SLC9C1: variants seen among roughly 807,000 people sequenced by gnomAD.
The protein encoded by SLC9C1 is solute carrier family 9 member C1.
In SLC9C1, 97 loss-of-function variants were observed where a neutral mutation model predicts 140.9. The ratio of observed to expected loss-of-function variants is 0.69; its 90% CI spans 0.58 to 0.82. The LOEUF (loss-of-function observed/expected upper bound fraction) is 0.82, where lower values mean the gene tolerates loss of function less well. Ranked by LOEUF, SLC9C1 falls within the 40% of genes least tolerant of loss-of-function variation. The pLI is 0.00. For missense variants in SLC9C1, 1,340 were observed against 1,389.3 expected, an observed-to-expected ratio of 0.96 and a Z score of 0.56; for synonymous variants, 440 against 442.6, an observed-to-expected ratio of 0.99 and a Z score of 0.07.
intron 28 of SLC9C1, among the ~76,000 whole-genome samples, chr3:112,148,558 A>C (rs2074869760): frequency 6.6e-6 from 1 of 152,184 alleles, no homozygotes; most frequent in Non-Finnish European, 1.5e-5. Context: ...TCTATGTCTT[A>C]ATAAAACTTT....
chr3:112,194,179 T>C (rs1399657060), intron 20 of SLC9C1, among the ~76,000 whole-genome samples: 6 of 152,112 alleles, frequency 3.9e-5, no homozygotes, highest in Non-Finnish European at 8.8e-5. Context: ...CAAATAATGT[T>C]CAGGTTTTGG....
intron 10 of SLC9C1, among the ~76,000 whole-genome samples, chr3:112,245,486 T>C (rs900688264): frequency 7.9e-5 from 12 of 152,066 alleles, no homozygotes; most frequent in Admixed American, 7.9e-4. Flanking sequence ...AAAAAAATAT[T>C]TTTTCTCTCA....
At chr3:112,260,426 G>A (rs534010216) in intron 10 of SLC9C1, among the ~76,000 whole-genome samples, 165 of 151,660 alleles carry the variant, frequency 1.1e-3, no homozygotes, top group African/African-American at 2.9e-3. Context: ...CCTTTGGGTC[G>A]TTTCTATTGA....
intron 15 of SLC9C1, among the ~76,000 whole-genome samples, chr3:112,213,305 G>A (rs1054539173): frequency 5.9e-5 from 9 of 152,088 alleles, no homozygotes; most frequent in African/African-American, 2.2e-4. Context: ...CAACTAATGG[G>A]CAAAATAACC....
chr3:112,180,587 T>G lies in SLC9C1; in HGVS notation c.2725A>C (p.Ile909Leu). The G allele has an allele frequency of 6.2e-7, 1 of 1,611,212 alleles. No individual in the cohort carries two copies. The highest frequency in any genetic ancestry group is 8.5e-7 in the Non-Finnish European group (1 of 1,179,154). ...ACCTTTACCATGCCTGAAATAATGA[T>G]ATAGATTCCTTTGGGCTCATCACCT... is the stretch of plus-strand genomic sequence containing the variant. ...EEGDEPKGIYIIISGMVKLEK... is the reference protein window; with the variant it reads ...EEGDEPKGIYLIISGMVKLEK... The change falls in exon 22 of 29, where the codon ATC (isoleucine) becomes CTC (leucine). Residue 909 changes from isoleucine to leucine, a missense_variant. Physicochemically the swap from Ile to Leu is conservative, Grantham distance 5 (BLOSUM62 2). Coordinates refer to ENST00000305815, the MANE Select transcript of SLC9C1 (RefSeq NM_183061.3).
intron 20 of SLC9C1, among the ~76,000 whole-genome samples, chr3:112,196,593 C>T (rs1337270030): frequency 6.6e-6 from 1 of 152,128 alleles, no homozygotes; most frequent in Admixed American, 6.5e-5. Flanking sequence ...GTTCCTCAGA[C>T]ATGTAATTTC....
chr3:112,147,474 G>A (rs114036944), intron 28 of SLC9C1: 75 of 401,486 alleles, frequency 1.9e-4, no homozygotes, highest in African/African-American at 1.5e-3. Flanking sequence ...TTGTAAGGAT[G>A]GTCTCATGGT....
chr3:112,146,313 TC>T (rs1407258886), intron 28 of SLC9C1, among the ~76,000 whole-genome samples: 1 of 152,190 alleles, frequency 6.6e-6, no homozygotes, highest in African/African-American at 2.4e-5. Flanking sequence ...TTAATTTTGT[TC>T]AGTTCTTTTC....
At chr3:112,265,167 GATCA>G (rs2079882692) in intron 8 of SLC9C1, among the ~76,000 whole-genome samples, 1 of 151,994 alleles carries the variant, frequency 6.6e-6, no homozygotes, top group East Asian at 1.9e-4. Flanking sequence ...GGTTCAGAGA[GATCA>G]CCTACTTCAA....
At chr3:112,159,221 TA>T (rs940258422) in intron 26 of SLC9C1, among the ~76,000 whole-genome samples, 7 of 151,762 alleles carry the variant, frequency 4.6e-5, no homozygotes, top group African/African-American at 1.2e-4. Flanking sequence ...TTCAATAAAT[TA>T]AAAAAAATGT....
intron 10 of SLC9C1, among the ~76,000 whole-genome samples, chr3:112,253,332 A>G (rs747188482): frequency 2.0e-5 from 3 of 152,148 alleles, no homozygotes; most frequent in Non-Finnish European, 4.4e-5. Flanking sequence ...CCAATTTGTG[A>G]TCTACAGCCA....
chr3:112,142,970 G>T (rs1178675775), intron 28 of SLC9C1, among the ~76,000 whole-genome samples: 1 of 152,116 alleles, frequency 6.6e-6, no homozygotes, highest in South Asian at 2.1e-4. Flanking sequence ...CCACTTACAG[G>T]TGAGAACATG....
Position 112,266,335 on chromosome 3 carries a change from A to G in SLC9C1, c.781T>C (p.Leu261=). ...ILYLIFYICE[L]VGMSGIFTLA... ...GTAAATATTCCTGACATTCCAACTA[A>G]CTCACCTATTTTTAAAAAGAAATAA... Residue 261 remains leucine (L), a synonymous_variant, in exon 8 of 29, where the codon TTA becomes CTA. Coordinates refer to ENST00000305815, the MANE Select transcript of SLC9C1 (RefSeq NM_183061.3). 1 of 1,597,776 alleles carries G rather than the reference A, an allele frequency of 6.3e-7. No homozygotes were observed. Among genetic ancestry groups the G allele is most frequent in the South Asian group, 1.2e-5 (1 of 86,406 alleles).
chr3:112,264,386 A>G (rs2079861891), intron 8 of SLC9C1, 43 bp from the exon 9 acceptor site: 2 of 1,153,328 alleles, frequency 1.7e-6, no homozygotes, highest in African/African-American at 3.2e-5. Flanking sequence ...TAATTAATTA[A>G]TTTGACATCT....
At chr3:112,240,893 T>C (rs2108218690) in intron 11 of SLC9C1, among the ~76,000 whole-genome samples, 1 of 152,220 alleles carries the variant, frequency 6.6e-6, no homozygotes, top group East Asian at 1.9e-4. Context: ...ACATCACATA[T>C]TCTCACTTAT....
chr3:112,141,416 G>T, intron 28 of SLC9C1, 135 bp from the exon 29 acceptor site: 2 of 774,416 alleles, frequency 2.6e-6, no homozygotes. Flanking sequence ...TTTTGTTAAG[G>T]CCAAGGAAGG....
intron 14 of SLC9C1, among the ~76,000 whole-genome samples, chr3:112,220,305 A>G (rs1392647255): frequency 6.6e-6 from 1 of 152,196 alleles, no homozygotes; most frequent in Non-Finnish European, 1.5e-5. Flanking sequence ...CTTTTCTAAC[A>G]TCTAACTTTA....
In SLC9C1 at chr3:112,182,132, C is replaced by T. The variant is rs1196008289; in HGVS notation, c.2649+1G>A. ...TTATTAATAGGAAATAAAAGTGTTA[C>T]CTGAATGAAGTTTATATAATCTTTG... On this transcript the variant is annotated splice_donor_variant, in intron 21 of 28. Coordinates refer to ENST00000305815, the MANE Select transcript of SLC9C1 (RefSeq NM_183061.3). LOFTEE classifies it high-confidence loss of function. 1 of 1,514,278 alleles carries T rather than the reference C, an allele frequency of 6.6e-7. No homozygotes were observed. The highest frequency in any genetic ancestry group is 1.4e-5 in the African/African-American group (1 of 71,296). 93.8% of individuals were successfully genotyped at this position (1,514,278 alleles called of 1,614,324 possible).
At chr3:112,146,454 A>G (rs2074798796) in intron 28 of SLC9C1, among the ~76,000 whole-genome samples, 1 of 152,182 alleles carries the variant, frequency 6.6e-6, no homozygotes, top group Admixed American at 6.5e-5. Context: ...ATTTAGTGTT[A>G]TAAACTTTAT....
Sources: allele counts gnomAD v4.1 joint callset (sites outside exome capture counted in the v4.1 genomes callset), GRCh38; gene constraint gnomAD v4.1.1; transcripts MANE v1.5; gene names NCBI Gene and HGNC (gene_info 2026-07-23, HGNC 2026-07-21).